The following COMMD2 variants were observed in gnomAD, a reference collection of about 807,000 sequenced individuals.
COMMD2 encodes COMM domain containing 2, also known as COMM domain-containing protein 2.
COMMD2 carries 25 observed loss-of-function variants against 22.5 expected under a neutral mutation model. The observed-to-expected ratio is 1.11, with a 90% confidence interval of 0.81 to 1.55. The LOEUF is 1.55. Among genes scored for constraint, COMMD2 ranks in the 40% most tolerant of loss-of-function variants. The pLI, the probability that COMMD2 is intolerant of heterozygous loss-of-function variation, is 0.00. For missense variants in COMMD2, 223 were observed against 232.9 expected (o/e 0.96, Z 0.28); for synonymous variants, 98 against 91.2 (o/e 1.07, Z -0.42).
At chr3:149,742,903 T>C (rs1716272739) in intron 4 of COMMD2, among the ~76,000 whole-genome samples, 1 of 150,290 alleles carries the variant, frequency 6.7e-6, no homozygotes, top group Non-Finnish European at 1.5e-5. Context: ...GAGGCAGAAG[T>C]TGTGGTGAGC....
intron 4 of COMMD2, 48 bp from the exon 5 acceptor site, chr3:149,741,766 C>T: frequency 7.5e-7 from 1 of 1,326,156 alleles, no homozygotes; most frequent in Non-Finnish European, 1.1e-6. Flanking sequence ...AATAACCATG[C>T]TGAATACATA....
chr3:149,748,615 CT>C (rs1485946167), intron 4 of COMMD2, among the ~76,000 whole-genome samples: 6 of 152,220 alleles, frequency 3.9e-5, no homozygotes, highest in African/African-American at 1.4e-4. Context: ...TCAGCAAACC[CT>C]TTCTATAAAG....
At chr3:149,747,612 A>C (rs990636776) in intron 4 of COMMD2, among the ~76,000 whole-genome samples, 1 of 152,214 alleles carries the variant, frequency 6.6e-6, no homozygotes, top group Non-Finnish European at 1.5e-5. Flanking sequence ...GGAAGAGAGA[A>C]TATACAAACA....
At chr3:149,751,582 T>C (rs1716534193) in intron 2 of COMMD2, 97 bp from the exon 3 acceptor site, 2 of 1,131,096 alleles carry the variant, frequency 1.8e-6, no homozygotes, top group Non-Finnish European at 1.2e-6. Context: ...CATTATTACA[T>C]GTTTTCAAAC....
In COMMD2 at chr3:149,741,472, A is replaced by G. The variant is rs1213138497; in HGVS notation, c.*49T>C. On this transcript the variant is annotated 3_prime_UTR_variant, in exon 5 of 5. Coordinates refer to ENST00000473414, the MANE Select transcript of COMMD2 (RefSeq NM_016094.4). Reference sequence around the variant, plus strand: ...TAATTTTGAAAAGTAATTGCTGTATATCATCAATTCATAAGTGATTCAAAT... The same window carrying G: ...TAATTTTGAAAAGTAATTGCTGTATGTCATCAATTCATAAGTGATTCAAAT... 18 of 1,382,562 alleles carry G rather than the reference A, an allele frequency of 1.3e-5. No homozygotes were observed. Among genetic ancestry groups the G allele is most frequent in the Non-Finnish European group, 3.1e-6 (3 of 970,238 alleles). 85.6% of individuals were successfully genotyped at this position (1,382,562 alleles called of 1,614,324 possible).
intron 2 of COMMD2, chr3:149,751,760 T>C (rs1036175729): frequency 3.4e-6 from 1 of 290,418 alleles, no homozygotes; most frequent in Non-Finnish European, 6.3e-6. Flanking sequence ...CCTTCAAGTC[T>C]GGCAGAAGAG....
intron 4 of COMMD2, among the ~76,000 whole-genome samples, chr3:149,746,427 G>A (rs1716367104): frequency 6.6e-6 from 1 of 152,098 alleles, no homozygotes; most frequent in African/African-American, 2.4e-5. Context: ...GAGAGGGGGT[G>A]TATTAGTCCT....
Position 149,739,506 on chromosome 3 carries a change from T to A in COMMD2, c.*2015A>T, listed in dbSNP as rs1716151567. The A allele has an allele frequency of 6.6e-6, 1 of 152,136 alleles. No homozygotes were observed. The highest frequency in any genetic ancestry group is 1.5e-5 in the Non-Finnish European group (1 of 68,018). The allele number at this position is 152,136 out of a possible 1,614,324, so 9.4% of individuals were successfully genotyped here. A position where few individuals can be genotyped will look rare whatever the true frequency, so the allele number is the denominator to read the frequency against. ...AGGTTGATAAAAATTAAAAAAGGAT[T>A]AGCACATGCTTTCTTGTTTTAATTG... is the stretch of plus-strand genomic sequence containing the variant. On this transcript the variant is annotated 3_prime_UTR_variant, in exon 5 of 5. Coordinates refer to ENST00000473414, the MANE Select transcript of COMMD2 (RefSeq NM_016094.4).
intron 2 of COMMD2, 109 bp from the exon 3 acceptor site, chr3:149,751,594 C>T: frequency 9.8e-7 from 1 of 1,015,234 alleles, no homozygotes; most frequent in Non-Finnish European, 1.4e-6. Context: ...TTTTCAAACA[C>T]TGCATGAAAA....
intron 2 of COMMD2, chr3:149,751,891 CT>C (rs1240466569): frequency 3.4e-6 from 1 of 297,840 alleles, no homozygotes; most frequent in African/African-American, 2.2e-5. Context: ...TAACCAAATA[CT>C]TGCAATTTAC....
intron 4 of COMMD2, among the ~76,000 whole-genome samples, chr3:149,749,762 C>T (rs574645757): frequency 2.6e-5 from 4 of 152,254 alleles, no homozygotes; most frequent in East Asian, 1.9e-4. Context: ...TCTTGGATCA[C>T]GCCAGCACAT....
At chr3:149,750,648 T>C in intron 4 of COMMD2, 30 bp downstream of exon 4, 1 of 1,427,466 alleles carries the variant, frequency 7.0e-7, no homozygotes, top group Non-Finnish European at 9.5e-7. Flanking sequence ...TCTTATATTC[T>C]ATGTTAAGTT....
intron 4 of COMMD2, 88 bp downstream of exon 4, chr3:149,750,590 G>T: frequency 1.1e-6 from 1 of 908,080 alleles, no homozygotes; most frequent in Middle Eastern, 2.5e-4. Flanking sequence ...CCGCATCTTA[G>T]TTAAGGTGGT....
At chr3:149,749,091 T>C (rs1181993837) in intron 4 of COMMD2, among the ~76,000 whole-genome samples, 3 of 151,990 alleles carry the variant, frequency 2.0e-5, no homozygotes, top group African/African-American at 4.8e-5. Flanking sequence ...CTCGGCTCAC[T>C]GCAACCTCGA....
At chr3:149,748,897 G>C (rs1183833672) in intron 4 of COMMD2, among the ~76,000 whole-genome samples, 2 of 152,158 alleles carry the variant, frequency 1.3e-5, no homozygotes, top group African/African-American at 4.8e-5. Flanking sequence ...TTCACATAGA[G>C]GAAAAATAAT....
chr3:149,741,214 G>A lies in COMMD2; in HGVS notation c.*307C>T, dbSNP rs1295917400. On this transcript the variant is annotated 3_prime_UTR_variant, in exon 5 of 5. Transcript: ENST00000473414. ...GAGTAGCTGGGACTCTGATAGATGCGTGCCACCACACCTGGCTAATTTTTT... is the reference window on the plus strand; with the variant it reads ...GAGTAGCTGGGACTCTGATAGATGCATGCCACCACACCTGGCTAATTTTTT... 7.2e-5 allele frequency: 19 copies of A among 263,306 alleles called. 1 individual carries two copies. In the East Asian group the frequency reaches 1.4e-3, roughly 19 times the overall value. The allele number at this position is 263,306 out of a possible 1,614,324, so 16.3% of individuals were successfully genotyped here.
Position 149,741,361 on chromosome 3 carries a change from C to G in COMMD2, c.*160G>C. On this transcript the variant is annotated 3_prime_UTR_variant, in exon 5 of 5. Transcript: ENST00000473414. The stretch of plus-strand genomic sequence containing the variant: ...GATAACTGGCATGAGCCACTGCACC[C>G]AGCTTAGCTTCTGATTATGACCTCA... The G allele has an allele frequency of 7.5e-6, 5 of 664,486 alleles. No individual in the cohort carries two copies. Among genetic ancestry groups the G allele is most frequent in the Non-Finnish European group, 1.3e-5 (5 of 395,966 alleles). 41.2% of individuals were successfully genotyped at this position (664,486 alleles called of 1,614,324 possible).
intron 4 of COMMD2, among the ~76,000 whole-genome samples, chr3:149,745,475 C>T (rs910138579): frequency 6.6e-6 from 1 of 152,198 alleles, no homozygotes; most frequent in Non-Finnish European, 1.5e-5. Context: ...ATCCTGCGTT[C>T]ATGCCTATTA....
Position 149,739,132 on chromosome 3 carries a change from A to G in COMMD2, c.*2389T>C, listed in dbSNP as rs1716140622. ...AAGTCAGCATACTCATAATCCAAAAAGCTTCAATAGAAATTTAGATAGTTA... is the reference window on the plus strand; with the variant it reads ...AAGTCAGCATACTCATAATCCAAAAGGCTTCAATAGAAATTTAGATAGTTA... On this transcript the variant is annotated 3_prime_UTR_variant, in exon 5 of 5. Transcript: ENST00000473414. 1 of 152,210 alleles carries G rather than the reference A, an allele frequency of 6.6e-6. No homozygotes were observed. Among genetic ancestry groups the G allele is most frequent in the Non-Finnish European group, 1.5e-5 (1 of 68,024 alleles). The allele number at this position is 152,210 out of a possible 1,614,324, so 9.4% of individuals were successfully genotyped here.
Sources: allele counts gnomAD v4.1 joint callset (sites outside exome capture counted in the v4.1 genomes callset), GRCh38; gene constraint gnomAD v4.1.1; transcripts MANE v1.5; gene names NCBI Gene and HGNC (gene_info 2026-07-23, HGNC 2026-07-21).